Variants in ARHGAP26 observed in about 807,000 individuals in gnomAD.
ARHGAP26 encodes the protein Rho GTPase activating protein 26.
Under a neutral mutation model 104.8 loss-of-function variants are expected in ARHGAP26, and 38 were observed. That is an observed-to-expected ratio of 0.36 (90% CI 0.28 to 0.48). The LOEUF is 0.48. Ranked by LOEUF, ARHGAP26 falls within the 20% of genes least tolerant of loss-of-function variation. The probability of loss-of-function intolerance (pLI) is 0.99; values close to 1 mark genes in which losing one functional copy is unlikely to be tolerated. For missense variants in ARHGAP26, 704 were observed against 947.9 expected, an observed-to-expected ratio of 0.74 and a Z score of 3.38; for synonymous variants, 341 against 340.0, an observed-to-expected ratio of 1.00 and a Z score of -0.03.
chr5:142,888,576 G>C (rs891835581), intron 5 of ARHGAP26, among the ~76,000 whole-genome samples: 2 of 152,292 alleles, frequency 1.3e-5, no homozygotes, highest in African/African-American at 4.8e-5. Context: ...TGATTATCCA[G>C]AGTTGTTCCC....
chr5:142,892,357 C>A lies in ARHGAP26; in HGVS notation c.487-1881C>A, dbSNP rs946968745. Among the ~76,000 whole-genome samples the A allele has an allele frequency of 1.3e-5, 2 of 152,048 alleles. 1 individual carries two copies. Among genetic ancestry groups the A allele is most frequent in the African/African-American group, 4.8e-5 (2 of 41,312 alleles). ...GATCCAAGGGCCTTGGGGGCAGATC[C>A]ACCAGGACAGAAATCCCAGCTCTGC... On this transcript the variant is annotated intron_variant, in intron 5 of 22. Transcript: ENST00000645722.
chr5:143,196,984 A>G (rs58179804), intron 20 of ARHGAP26, among the ~76,000 whole-genome samples: 4,440 of 152,324 alleles, frequency 0.029, 222 homozygotes, highest in South Asian at 0.2. Context: ...ATATCCCTAA[A>G]TGCAACATTT....
At chr5:142,842,560 G>A (rs1176397034) in intron 1 of ARHGAP26, among the ~76,000 whole-genome samples, 1 of 152,192 alleles carries the variant, frequency 6.6e-6, no homozygotes, top group African/African-American at 2.4e-5. Flanking sequence ...CCTGTGTGTC[G>A]GGAAGGACTA....
chr5:142,840,932 C>T (rs1479776200), intron 1 of ARHGAP26, among the ~76,000 whole-genome samples: 1 of 152,118 alleles, frequency 6.6e-6, no homozygotes. Context: ...AGACAGTAAA[C>T]ACATGGAATT....
intron 20 of ARHGAP26, among the ~76,000 whole-genome samples, chr5:143,167,304 C>T (rs1329867007): frequency 9.6e-6 from 1 of 104,540 alleles, no homozygotes; most frequent in African/African-American, 3.6e-5. Context: ...CTCATCTCTA[C>T]TTTAAAAAAA....
At chr5:142,807,511 T>C (rs76035766) in intron 1 of ARHGAP26, among the ~76,000 whole-genome samples, 2 of 152,210 alleles carry the variant, frequency 1.3e-5, no homozygotes, top group Non-Finnish European at 2.9e-5. Flanking sequence ...CTGCAGGCCA[T>C]GCTTAGCAAA....
rs200734791 is a variant in ARHGAP26 at position 143,081,041 on chromosome 5, T to A, written c.1538+23294T>A. Among the ~76,000 whole-genome samples, 50 of 152,140 alleles carry A rather than the reference T, an allele frequency of 3.3e-4. No individual in the cohort carries two copies. In the East Asian group the frequency reaches 7.9e-3, roughly 24 times the overall value. On this transcript the variant is annotated intron_variant, in intron 17 of 22. Transcript: ENST00000645722. ...AGGGGGATAAAGGATGACTCCTGGG[T>A]TTTTGGCCTTCACTGGGGGAGAAAC...
At chr5:143,179,832 T>G (rs1453936589) in intron 20 of ARHGAP26, among the ~76,000 whole-genome samples, 1 of 152,206 alleles carries the variant, frequency 6.6e-6, no homozygotes, top group Non-Finnish European at 1.5e-5. Flanking sequence ...ATGCCTCATG[T>G]CAGCCTGCAT....
At chr5:143,017,173 A>T (rs1353669655) in intron 12 of ARHGAP26, among the ~76,000 whole-genome samples, 2 of 152,240 alleles carry the variant, frequency 1.3e-5, no homozygotes, top group African/African-American at 4.8e-5. Flanking sequence ...GGGAATTTCA[A>T]TGCAAACATT....
intron 22 of ARHGAP26, among the ~76,000 whole-genome samples, chr5:143,218,495 G>A (rs767274850): frequency 9.9e-5 from 15 of 152,092 alleles, no homozygotes; most frequent in Non-Finnish European, 2.2e-4. Flanking sequence ...ACTTCTTTTG[G>A]GGACAGTCAG....
At chr5:142,912,615 G>T (rs1473536492) in intron 9 of ARHGAP26, among the ~76,000 whole-genome samples, 1 of 152,176 alleles carries the variant, frequency 6.6e-6, no homozygotes, top group Non-Finnish European at 1.5e-5. Context: ...TCTTTTCTAG[G>T]ATCCAGTTGG....
intron 1 of ARHGAP26, among the ~76,000 whole-genome samples, chr5:142,795,952 C>T (rs1311968188): frequency 6.6e-6 from 1 of 152,132 alleles, no homozygotes; most frequent in East Asian, 1.9e-4. Context: ...AAATTCTACC[C>T]TGACAGCCTC....
intron 18 of ARHGAP26, 89 bp downstream of exon 18, chr5:143,121,236 T>A: frequency 1.5e-6 from 2 of 1,338,502 alleles, no homozygotes; most frequent in Non-Finnish European, 1.0e-6. Flanking sequence ...CAGATTTGCA[T>A]TGCTAATCAC....
chr5:142,781,602 G>T (rs989104027), intron 1 of ARHGAP26, among the ~76,000 whole-genome samples: 1 of 152,188 alleles, frequency 6.6e-6, no homozygotes, highest in Admixed American at 6.5e-5. Flanking sequence ...GGTGTCTGGG[G>T]CAGGAGGCTG....
Position 142,831,229 on chromosome 5 carries a change from C to G in ARHGAP26, c.155-42171C>G, listed in dbSNP as rs7732094. Reference sequence around the variant, plus strand: ...GAGCCAGATCCCAATACTCTGTGCTCAGTCATTTGATATCTCTCTGCCTCG... The same window carrying G: ...GAGCCAGATCCCAATACTCTGTGCTGAGTCATTTGATATCTCTCTGCCTCG... On this transcript the variant is annotated intron_variant, in intron 1 of 22. Coordinates refer to ENST00000645722, the MANE Select transcript of ARHGAP26 (RefSeq NM_001135608.3). Among the ~76,000 whole-genome samples the G allele has an allele frequency of 9.6e-3, 1,463 of 152,332 alleles. 25 individuals carry two copies. The highest frequency in any genetic ancestry group is 0.034 in the African/African-American group (1,406 of 41,572).
intron 11 of ARHGAP26, among the ~76,000 whole-genome samples, chr5:143,001,623 A>C (rs72799089): frequency 0.015 from 2,295 of 152,320 alleles, 19 homozygotes; most frequent in Non-Finnish European, 0.022. Flanking sequence ...TGGCTGGCCT[A>C]AGTCACACTA....
chr5:142,852,573 C>T (rs887087280), intron 1 of ARHGAP26, among the ~76,000 whole-genome samples: 7 of 152,150 alleles, frequency 4.6e-5, no homozygotes, highest in Admixed American at 6.5e-5. Flanking sequence ...TTGTAACAGT[C>T]GGGATTTCTG....
chr5:142,858,827 A>G (rs35776414), intron 1 of ARHGAP26, among the ~76,000 whole-genome samples: 9,490 of 152,156 alleles, frequency 0.062, 443 homozygotes, highest in East Asian at 0.18. Flanking sequence ...ATGCGAGGAG[A>G]CTGCTTCCCT....
intron 11 of ARHGAP26, among the ~76,000 whole-genome samples, chr5:142,935,354 G>A (rs1765263575): frequency 6.6e-6 from 1 of 152,120 alleles, no homozygotes; most frequent in Non-Finnish European, 1.5e-5. Flanking sequence ...TCTGTAATGG[G>A]CCAGATAGTA....
Sources: gnomAD v4.1 joint callset for allele counts (sites outside exome capture counted in the v4.1 genomes callset) on GRCh38, gnomAD v4.1.1 for gene constraint, MANE v1.5 for transcripts, NCBI Gene and HGNC (gene_info 2026-07-23, HGNC 2026-07-21) for gene names.